The following MYO6 variants were observed in gnomAD, a reference collection of about 807,000 sequenced individuals.
MYO6 encodes myosin VI.
MYO6 carries 74 observed loss-of-function variants against 178.7 expected under a neutral mutation model. The ratio of observed to expected loss-of-function variants is 0.41; its 90% CI spans 0.34 to 0.50. The LOEUF (loss-of-function observed/expected upper bound fraction) is 0.50, where lower values mean the gene tolerates loss of function less well. MYO6 is among the 20% of genes least tolerant of loss of function. The pLI, the probability that MYO6 is intolerant of heterozygous loss-of-function variation, is 0.09. For missense variants in MYO6, 1,330 were observed against 1,547.4 expected (o/e 0.86, Z 2.36); for synonymous variants, 477 against 504.6 (o/e 0.95, Z 0.73).
chr6:75,882,585 A>G (rs141774208), intron 23 of MYO6, among the ~76,000 whole-genome samples: 54 of 152,292 alleles, frequency 3.5e-4, no homozygotes, highest in African/African-American at 1.3e-3. Context: ...TTAAAAGATG[A>G]AAGTCCCAAA....
chr6:75,895,091 C>A (rs1387877373), intron 28 of MYO6, 140 bp from the exon 29 acceptor site: 2 of 654,892 alleles, frequency 3.1e-6, no homozygotes, highest in East Asian at 2.8e-5. Context: ...TATTAAAATT[C>A]TGAGTGATCT....
At chr6:75,868,923 A>G (rs530215610) in intron 18 of MYO6, among the ~76,000 whole-genome samples, 1 of 152,248 alleles carries the variant, frequency 6.6e-6, no homozygotes, top group East Asian at 1.9e-4. Flanking sequence ...TTTTCAAATA[A>G]AAATACAAAT....
chr6:75,826,401 T>C (rs907939016), intron 3 of MYO6, among the ~76,000 whole-genome samples: 8 of 152,150 alleles, frequency 5.3e-5, no homozygotes, highest in African/African-American at 1.4e-4. Context: ...GGAGTAAAGA[T>C]AGGAGAGCAA....
chr6:75,900,985 T>C (rs1195171040), intron 30 of MYO6, among the ~76,000 whole-genome samples: 2 of 151,518 alleles, frequency 1.3e-5, no homozygotes, highest in East Asian at 1.9e-4. Flanking sequence ...ATTTATTAAA[T>C]AGGGAATCCT....
chr6:75,820,794 T>C (rs1771791655), intron 2 of MYO6, among the ~76,000 whole-genome samples: 1 of 152,184 alleles, frequency 6.6e-6, no homozygotes, highest in Non-Finnish European at 1.5e-5. Context: ...TCAGTAGAAT[T>C]GACTGTTGAC....
At chr6:75,877,910 G>A (rs181862641) in intron 20 of MYO6, among the ~76,000 whole-genome samples, 183 of 152,274 alleles carry the variant, frequency 1.2e-3, no homozygotes, top group Non-Finnish European at 1.9e-3. Flanking sequence ...TTTATAGTTT[G>A]CAGCTACAGG....
intron 31 of MYO6, among the ~76,000 whole-genome samples, 169 bp from the exon 32 acceptor site, chr6:75,908,327 C>A (rs1327057812): frequency 2.0e-5 from 3 of 152,012 alleles, no homozygotes; most frequent in Non-Finnish European, 1.5e-5. Flanking sequence ...TGAATTTGAA[C>A]AATAATATTA....
chr6:75,768,529 T>G (rs1402953509), intron 1 of MYO6, among the ~76,000 whole-genome samples: 1 of 151,790 alleles, frequency 6.6e-6, no homozygotes, highest in East Asian at 1.9e-4. Context: ...TACAGGCGCC[T>G]GCCACTATGG....
rs1187025165 is a variant in MYO6 at position 75,848,392 on chromosome 6, C to A, written c.939C>A (p.Asp313Glu). 2 of 1,613,560 alleles carry A rather than the reference C, an allele frequency of 1.2e-6. No individual in the cohort carries two copies. The highest frequency in any genetic ancestry group is 8.5e-7 in the Non-Finnish European group (1 of 1,179,804). ...CTATGAAAGATCCTCTGCTAGATGA[C>A]CATGGTGATTTTATTAGAATGTGCA... ...AGSMKDPLLD[D>E]HGDFIRMCTA... is the part of the protein sequence containing the mutation. Residue 313 changes from aspartate to glutamate, a missense_variant, in exon 11 of 35, where the codon GAC becomes GAA. By Grantham distance (45) the Asp-to-Glu change is conservative (BLOSUM62 2). Transcript: ENST00000369977.
chr6:75,904,516 G>A (rs893745768), intron 30 of MYO6, among the ~76,000 whole-genome samples: 5 of 151,772 alleles, frequency 3.3e-5, no homozygotes, highest in Non-Finnish European at 4.4e-5. Flanking sequence ...CCAGTTGATC[G>A]CATCGGCTCC....
At chr6:75,885,404 G>T (rs981048263) in intron 23 of MYO6, among the ~76,000 whole-genome samples, 4 of 151,126 alleles carry the variant, frequency 2.6e-5, no homozygotes, top group African/African-American at 9.7e-5. Context: ...CATGGTGTGT[G>T]CCTGTAGTCC....
At chr6:75,810,696 C>T (rs894226738) in intron 1 of MYO6, among the ~76,000 whole-genome samples, 6 of 152,200 alleles carry the variant, frequency 3.9e-5, no homozygotes, top group South Asian at 4.1e-4. Flanking sequence ...TATCAGGGGT[C>T]GGGGAGTCTA....
chr6:75,848,172 G>A (rs1223810484), intron 10 of MYO6, among the ~76,000 whole-genome samples, 179 bp from the exon 11 acceptor site: 2 of 152,120 alleles, frequency 1.3e-5, no homozygotes, highest in African/African-American at 4.8e-5. Context: ...ATAGAACAGA[G>A]AGATCCTGTG....
chr6:75,799,166 A>G (rs1272590924), intron 1 of MYO6, among the ~76,000 whole-genome samples: 1 of 152,180 alleles, frequency 6.6e-6, no homozygotes, highest in Non-Finnish European at 1.5e-5. Context: ...AGGCGGGTGG[A>G]TCACCGGAGG....
At chr6:75,866,845 A>G in intron 17 of MYO6, 87 bp from the exon 18 acceptor site, 6 of 1,420,372 alleles carry the variant, frequency 4.2e-6, no homozygotes, top group Non-Finnish European at 6.0e-6. Context: ...CATTTCTGTC[A>G]TCACAGAAAG....
At chr6:75,786,069 C>T (rs1288292484) in intron 1 of MYO6, among the ~76,000 whole-genome samples, 2 of 151,924 alleles carry the variant, frequency 1.3e-5, no homozygotes, top group Non-Finnish European at 2.9e-5. Context: ...GCACCTGCCA[C>T]CACGCCCAGC....
intron 1 of MYO6, among the ~76,000 whole-genome samples, chr6:75,817,097 A>G (rs1771334397): frequency 6.6e-6 from 1 of 152,124 alleles, no homozygotes. Context: ...CGAGGTCAGG[A>G]GATCGAGACC....
chr6:75,857,183 A>G lies in MYO6; in HGVS notation c.1310A>G (p.Asn437Ser). The stretch of plus-strand genomic sequence containing the variant: ...AGCCATCTTTTTGATCATGTGGTAA[A>G]CAGAGTAAATCAGTGTTTTCCTTTT... ...VYSHLFDHVVNRVNQCFPFET... is the reference protein window; with the variant it reads ...VYSHLFDHVVSRVNQCFPFET... The change falls in exon 13 of 35, where the codon AAC (asparagine) becomes AGC (serine). Residue 437 changes from asparagine to serine, a missense_variant. Asn to Ser is a conservative substitution (Grantham distance 46, BLOSUM62 1). This residue lies in a region of MYO6 where 613 missense variants were observed against 816.8 expected (regional missense o/e 0.75). Transcript: ENST00000369977. 2 of 1,614,046 alleles carry G rather than the reference A, an allele frequency of 1.2e-6. No individual in the cohort carries two copies. Among genetic ancestry groups the G allele is most frequent in the Non-Finnish European group, 1.7e-6 (2 of 1,179,898 alleles).
At chr6:75,864,154 C>A (rs1240498740) in intron 16 of MYO6, among the ~76,000 whole-genome samples, 1 of 152,098 alleles carries the variant, frequency 6.6e-6, no homozygotes, top group Non-Finnish European at 1.5e-5. Flanking sequence ...AACTAATAGG[C>A]AAAATTGCCT....
Sources: gnomAD v4.1 joint callset for allele counts (sites outside exome capture counted in the v4.1 genomes callset) on GRCh38, gnomAD v4.1.1 for gene constraint, gnomAD v4.1.1 regional missense constraint, MANE v1.5 for transcripts, NCBI Gene and HGNC (gene_info 2026-07-23, HGNC 2026-07-21) for gene names.